CLSTN2: variants seen among roughly 807,000 people sequenced by gnomAD.
CLSTN2 encodes the protein calsyntenin-2.
Under a neutral mutation model 101.2 loss-of-function variants are expected in CLSTN2, and 48 were observed. The observed-to-expected ratio is 0.47, with a 90% confidence interval of 0.38 to 0.60. The LOEUF (loss-of-function observed/expected upper bound fraction) is 0.60. Ranked by LOEUF, CLSTN2 falls within the 20% of genes least tolerant of loss-of-function variation. The pLI, the probability that CLSTN2 is intolerant of heterozygous loss-of-function variation, is 0.00. For missense variants in CLSTN2, 1,160 were observed against 1,238.2 expected (o/e 0.94, Z 0.95); for synonymous variants, 481 against 463.6 (o/e 1.04, Z -0.48).
At chr3:140,214,208 G>A (rs945911345) in intron 2 of CLSTN2, among the ~76,000 whole-genome samples, 1 of 152,080 alleles carries the variant, frequency 6.6e-6, no homozygotes, top group African/African-American at 2.4e-5. Flanking sequence ...GGGTGGCTGA[G>A]GCAGACGGAT....
At chr3:140,015,877 C>T (rs2007190139) in intron 1 of CLSTN2, among the ~76,000 whole-genome samples, 1 of 152,232 alleles carries the variant, frequency 6.6e-6, no homozygotes, top group Admixed American at 6.5e-5. Context: ...CCTCCTATGC[C>T]ATTGTAATTG....
intron 2 of CLSTN2, among the ~76,000 whole-genome samples, chr3:140,220,728 T>A (rs1025156071): frequency 6.6e-6 from 1 of 152,200 alleles, no homozygotes; most frequent in Non-Finnish European, 1.5e-5. Flanking sequence ...CAAACATCCA[T>A]GAACTTAGTG....
At chr3:140,298,053 G>T (rs1220204014) in intron 2 of CLSTN2, among the ~76,000 whole-genome samples, 1 of 152,174 alleles carries the variant, frequency 6.6e-6, no homozygotes, top group Non-Finnish European at 1.5e-5. Context: ...ATTCACTCAA[G>T]TCAACAATTT....
chr3:140,176,548 G>T (rs2010327796), intron 2 of CLSTN2, among the ~76,000 whole-genome samples: 3 of 152,210 alleles, frequency 2.0e-5, no homozygotes, highest in African/African-American at 7.2e-5. Flanking sequence ...CTTCCAAGTG[G>T]GTGTGTCTCT....
intron 2 of CLSTN2, among the ~76,000 whole-genome samples, chr3:140,268,584 C>T (rs1322907893): frequency 2.0e-5 from 3 of 152,194 alleles, no homozygotes; most frequent in African/African-American, 7.2e-5. Flanking sequence ...ACATCACTCA[C>T]AAAAATTTGG....
intron 1 of CLSTN2, among the ~76,000 whole-genome samples, chr3:140,145,184 C>T (rs1232814089): frequency 6.6e-6 from 1 of 152,220 alleles, no homozygotes; most frequent in Non-Finnish European, 1.5e-5. Context: ...CCAATGACTA[C>T]AGATAGCTGT....
At chr3:139,951,582 G>A (rs1213666506) in intron 1 of CLSTN2, among the ~76,000 whole-genome samples, 1 of 152,198 alleles carries the variant, frequency 6.6e-6, no homozygotes, top group Non-Finnish European at 1.5e-5. Context: ...GTTAGGGGGT[G>A]TGCGGGGAGA....
In CLSTN2 at chr3:140,269,779, A is replaced by G. The variant is rs139996864; in HGVS notation, c.232+93706A>G. Among the ~76,000 whole-genome samples the G allele has an allele frequency of 8.5e-5, 13 of 152,306 alleles. No homozygotes were observed. The East Asian group carries it at 2.5e-3, about 29-fold the overall frequency. The stretch of plus-strand genomic sequence containing the variant: ...TTCTGACCCCAGGGGATTTTGAAGG[A>G]GTATTGAGAGAGGGATTACTCCAAG... On this transcript the variant is annotated intron_variant, in intron 2 of 16. Transcript: ENST00000458420.
At chr3:140,507,860 G>A (rs1364879195) in intron 8 of CLSTN2, 3 of 151,916 alleles carry the variant, frequency 2.0e-5, no homozygotes, top group Non-Finnish European at 4.4e-5. Flanking sequence ...ATAAATAATC[G>A]ATTCTTCCTG....
At chr3:140,410,507 A>G (rs574339640) in intron 4 of CLSTN2, among the ~76,000 whole-genome samples, 4 of 152,232 alleles carry the variant, frequency 2.6e-5, no homozygotes, top group African/African-American at 9.6e-5. Flanking sequence ...CAGACAAACA[A>G]AAGCTTAGGG....
At chr3:140,386,712 C>T (rs1182513444) in intron 2 of CLSTN2, among the ~76,000 whole-genome samples, 1 of 152,102 alleles carries the variant, frequency 6.6e-6, no homozygotes, top group African/African-American at 2.4e-5. Context: ...AGCTCTGGTT[C>T]TCAATCTCTC....
intron 2 of CLSTN2, among the ~76,000 whole-genome samples, chr3:140,389,300 C>T (rs1284814233): frequency 2.6e-5 from 4 of 152,200 alleles, no homozygotes; most frequent in Non-Finnish European, 5.9e-5. Context: ...CTCCCACACC[C>T]CTGACAGGCC....
intron 2 of CLSTN2, among the ~76,000 whole-genome samples, chr3:140,277,991 A>G (rs2086810581): frequency 6.6e-6 from 1 of 152,180 alleles, no homozygotes; most frequent in African/African-American, 2.4e-5. Context: ...GCCAATTCCG[A>G]GAGATATTCT....
intron 5 of CLSTN2, among the ~76,000 whole-genome samples, chr3:140,429,803 G>A (rs145366682): frequency 6.6e-6 from 1 of 152,240 alleles, no homozygotes; most frequent in East Asian, 1.9e-4. Context: ...GTTAAAGTGG[G>A]CATCAAGGTT....
At chr3:140,201,457 T>A (rs1432313441) in intron 2 of CLSTN2, among the ~76,000 whole-genome samples, 12 of 152,000 alleles carry the variant, frequency 7.9e-5, no homozygotes, top group Non-Finnish European at 1.3e-4. Flanking sequence ...GCAGAGGATG[T>A]TCACTGACAG....
At chr3:140,446,577 C>T (rs1429810408) in intron 5 of CLSTN2, among the ~76,000 whole-genome samples, 10 of 152,140 alleles carry the variant, frequency 6.6e-5, no homozygotes, top group African/African-American at 2.4e-4. Flanking sequence ...ATGCTATGTA[C>T]ACATTTTCAC....
At chr3:140,069,443 G>A (rs1446686813) in intron 1 of CLSTN2, among the ~76,000 whole-genome samples, 2 of 152,184 alleles carry the variant, frequency 1.3e-5, no homozygotes, top group Admixed American at 6.5e-5. Context: ...AGTGGGAAGG[G>A]GGAGTGCACA....
In CLSTN2 at chr3:140,482,038, G is replaced by T. The variant is rs1314889149; in HGVS notation, c.1344+15307G>T. The stretch of plus-strand genomic sequence containing the variant: ...CCCTGTCCTGTGCCAGTTTTCAAAG[G>T]GAATGCTTCCAGTTTTTGCCCATTC... On this transcript the variant is annotated intron_variant, in intron 8 of 16. Coordinates refer to ENST00000458420, the MANE Select transcript of CLSTN2 (RefSeq NM_022131.3). Among the ~76,000 whole-genome samples the T allele has an allele frequency of 2.6e-5, 4 of 152,126 alleles. No individual in the cohort carries two copies. In the East Asian group the frequency reaches 7.7e-4, roughly 29 times the overall value.
chr3:140,393,798 A>G (rs1479864), intron 2 of CLSTN2, among the ~76,000 whole-genome samples: 27,603 of 152,106 alleles, frequency 0.18, 2,751 homozygotes, highest in African/African-American at 0.26. Flanking sequence ...AAAACAATTT[A>G]TCCAGATCTT....
Sources: allele counts gnomAD v4.1 joint callset (sites outside exome capture counted in the v4.1 genomes callset), GRCh38; gene constraint gnomAD v4.1.1; transcripts MANE v1.5; gene names NCBI Gene and HGNC (gene_info 2026-07-23, HGNC 2026-07-21).